HS3ST6: variants seen among roughly 807,000 people sequenced by gnomAD.
HS3ST6 encodes heparan sulfate-glucosamine 3-sulfotransferase 6.
HS3ST6 carries 13 observed loss-of-function variants against 11.0 expected under a neutral mutation model. That is an observed-to-expected ratio of 1.18 (90% confidence interval 0.77 to 1.88). The LOEUF is 1.88. Ranked by LOEUF, HS3ST6 falls within the 40% of genes most tolerant of loss-of-function variation. HS3ST6 has a pLI of 0.00. For missense variants in HS3ST6, 541 were observed against 494.4 expected (o/e 1.09, Z -0.89); for synonymous variants, 232 against 230.6 (o/e 1.01, Z -0.06).
Position 1,912,229 on chromosome 16 carries a change from G to C in HS3ST6, c.414-24C>G, listed in dbSNP as rs758145268. 1 of 1,375,946 alleles carries C rather than the reference G, an allele frequency of 7.3e-7. No individual in the cohort carries two copies. The highest frequency in any genetic ancestry group is 2.0e-4 in the Middle Eastern group (1 of 4,934). 85.2% of individuals were successfully genotyped at this position (1,375,946 alleles called of 1,614,324 possible). On this transcript the variant is annotated intron_variant, in intron 1 of 1. Coordinates refer to ENST00000454677, the MANE Select transcript of HS3ST6 (RefSeq NM_001009606.4). The surrounding 1 kb of genome is among the most constrained non-coding windows in gnomAD (Gnocchi z 5.6). ...TCCTGCGGGACGGGTGCAAGGAGAG[G>C]GGGCCTGAGCCTCCCCAGCCCTAGA...
chr16:1,917,866 T>C (rs2082936727), intron 1 of HS3ST6, 45 bp downstream of exon 1: 1 of 1,294,282 alleles, frequency 7.7e-7, no homozygotes, highest in Non-Finnish European at 1.0e-6. Flanking sequence ...CACGATACCC[T>C]CCCCAGGAAG....
intron 1 of HS3ST6, among the ~76,000 whole-genome samples, chr16:1,913,621 C>G (rs1295024673): frequency 6.6e-6 from 1 of 152,178 alleles, no homozygotes; most frequent in East Asian, 1.9e-4. Flanking sequence ...CCTTGCCAGT[C>G]ACGCCCAGCC....
chr16:1,917,801 G>A (rs1025902644), intron 1 of HS3ST6, 110 bp downstream of exon 1: 5 of 890,574 alleles, frequency 5.6e-6, no homozygotes, highest in East Asian at 6.7e-5. Flanking sequence ...CCACTGCCCG[G>A]AGCGCACCCC....
chr16:1,911,910 G>A lies in HS3ST6; in HGVS notation c.709C>T (p.Arg237Cys), dbSNP rs1288536587. Residue 237 changes from arginine to cysteine, a missense_variant, in exon 2 of 2, where the codon CGC (arginine) becomes TGC (cysteine). Physicochemically the swap from Arg to Cys is radical, Grantham distance 180. Coordinates refer to ENST00000454677, the MANE Select transcript of HS3ST6 (RefSeq NM_001009606.4). ...AGGAAGTGGGACAGGGGGAAGTAGC[G>A]CAGCCAGTGGTCCAGGTGCTGGGCG... Reference protein sequence around the residue: ...LYAQHLDHWLRYFPLSHFLFV... With the variant: ...LYAQHLDHWLCYFPLSHFLFV... The A allele has an allele frequency of 2.5e-6, 4 of 1,601,858 alleles. No homozygotes were observed. Among genetic ancestry groups the A allele is most frequent in the East Asian group, 2.2e-5 (1 of 44,748 alleles).
At chr16:1,917,800 G>C in intron 1 of HS3ST6, 111 bp downstream of exon 1, 13 of 856,218 alleles carry the variant, frequency 1.5e-5, no homozygotes, top group East Asian at 7.2e-5. Flanking sequence ...CCCACTGCCC[G>C]GAGCGCACCC....
At chr16:1,919,971 G>A (rs948620130), upstream of HS3ST6, among the ~76,000 whole-genome samples, 4 of 152,146 alleles carry the variant, frequency 2.6e-5, no homozygotes, top group Non-Finnish European at 5.9e-5. Context: ...CTCGGGGTGG[G>A]GGCTGGGGTC....
At chr16:1,919,353 G>A (rs950992634), upstream of HS3ST6, among the ~76,000 whole-genome samples, 3 of 152,224 alleles carry the variant, frequency 2.0e-5, no homozygotes, top group Non-Finnish European at 2.9e-5. Context: ...TGCGGGGGCC[G>A]CTAGACACTG....
Position 1,918,284 on chromosome 16 carries a change from C to T in HS3ST6, c.40G>A (p.Gly14Ser). 1.1e-6 allele frequency: 1 copy of T among 878,836 alleles called. No individual in the cohort carries two copies. Among genetic ancestry groups the T allele is most frequent in the Non-Finnish European group, 1.4e-6 (1 of 730,540 alleles). 54.4% of individuals were successfully genotyped at this position (878,836 alleles called of 1,614,324 possible). A position where few individuals can be genotyped will look rare whatever the true frequency, so the allele number is the denominator to read the frequency against. Residue 14 changes from glycine to serine, a missense_variant, in exon 1 of 2, where the codon GGC (glycine) becomes AGC (serine). Transcript: ENST00000454677. The surrounding 1 kb of genome is among the most constrained non-coding windows in gnomAD (Gnocchi z 6.0). ...CCTTGCCCGGCCCCTGCGCCCTGGC[C>T]GCCCCCGGCCCCGCCGCCCAGGCCG... ...SGGLGGGAGG[G>S]QGAGAGQGAA...
chr16:1,919,552 T>C (rs1012570351), upstream of HS3ST6, among the ~76,000 whole-genome samples: 4 of 152,290 alleles, frequency 2.6e-5, no homozygotes, highest in Admixed American at 6.5e-5. Context: ...CGGCACAGGC[T>C]CCCGGCAGAG....
chr16:1,920,183 C>T (rs1597013516), upstream of HS3ST6, among the ~76,000 whole-genome samples: 1 of 133,490 alleles, frequency 7.5e-6, no homozygotes, highest in African/African-American at 2.8e-5. Context: ...GCCGTCCCCA[C>T]GGTCTCAGCA....
intron 1 of HS3ST6, among the ~76,000 whole-genome samples, chr16:1,914,882 C>T (rs969398449): frequency 9.9e-5 from 15 of 151,990 alleles, no homozygotes; most frequent in African/African-American, 1.5e-4. Context: ...GTGGGAGAGA[C>T]GGGGGAGGAG....
rs372431831 is a variant in HS3ST6, at chr16:1,911,852, G to A, written c.767C>T (p.Pro256Leu). ...FVSGERLVSDPAGEVGRVQDF... is the reference protein window; with the variant it reads ...FVSGERLVSDLAGEVGRVQDF... ...CTGCACGCGGCCGACCTCTCCGGCC[G>A]GGTCGCTGACCAGACGCTCCCCGCT... Residue 256 changes from proline (P) to leucine (L), a missense_variant, in exon 2 of 2, where the codon CCG becomes CTG. By Grantham distance (98) the Pro-to-Leu change is moderately conservative. Transcript: ENST00000454677. The A allele has an allele frequency of 9.3e-6, 15 of 1,610,612 alleles. No individual in the cohort carries two copies. The highest frequency in any genetic ancestry group is 6.7e-5 in the East Asian group (3 of 44,844).
intron 1 of HS3ST6, among the ~76,000 whole-genome samples, chr16:1,917,521 G>A (rs1445691588): frequency 1.3e-5 from 2 of 152,250 alleles, no homozygotes; most frequent in African/African-American, 4.8e-5. Flanking sequence ...TACAGTACCT[G>A]GCCAGCGGTC....
chr16:1,911,552 G>C lies in HS3ST6; in HGVS notation c.*38C>G. The C allele has an allele frequency of 6.5e-7, 1 of 1,539,768 alleles. No homozygotes were observed. The highest frequency in any genetic ancestry group is 8.7e-7 in the Non-Finnish European group (1 of 1,143,244). On this transcript the variant is annotated 3_prime_UTR_variant, in exon 2 of 2. Transcript: ENST00000454677. ...GCAGCCCGCTCTGGCCAGGCGAGCGGGTGTCAATCAAGGTGCTGAGCATCC... is the reference window on the plus strand; with the variant it reads ...GCAGCCCGCTCTGGCCAGGCGAGCGCGTGTCAATCAAGGTGCTGAGCATCC...
At chr16:1,914,928 A>T (rs966230939) in intron 1 of HS3ST6, among the ~76,000 whole-genome samples, 1 of 152,116 alleles carries the variant, frequency 6.6e-6, no homozygotes, top group Non-Finnish European at 1.5e-5. Flanking sequence ...TGTGACAAAC[A>T]TCTGACAAGT....
intron 1 of HS3ST6, among the ~76,000 whole-genome samples, chr16:1,914,409 A>G (rs1250770463): frequency 6.6e-6 from 1 of 152,078 alleles, no homozygotes; most frequent in Non-Finnish European, 1.5e-5. Flanking sequence ...ATGCCCATAG[A>G]GAGAAACCAG....
intron 1 of HS3ST6, among the ~76,000 whole-genome samples, chr16:1,915,402 A>G (rs1270317235): frequency 6.6e-6 from 1 of 152,132 alleles, no homozygotes; most frequent in Admixed American, 6.5e-5. Context: ...CAGCCTCCCA[A>G]GTAGCTGGGA....
rs2082885167 is a variant in HS3ST6, at chr16:1,911,519, A to G, written c.*71T>C. Reference sequence around the variant, plus strand: ...TCTTAAATATTCCTCTCTGCCCAGCATGTGCACGCAGCCCGCTCTGGCCAG... The same window carrying G: ...TCTTAAATATTCCTCTCTGCCCAGCGTGTGCACGCAGCCCGCTCTGGCCAG... On this transcript the variant is annotated 3_prime_UTR_variant, in exon 2 of 2. Coordinates refer to ENST00000454677, the MANE Select transcript of HS3ST6 (RefSeq NM_001009606.4). 1 of 1,434,650 alleles carries G rather than the reference A, an allele frequency of 7.0e-7. No individual in the cohort carries two copies. Among genetic ancestry groups the G allele is most frequent in the Admixed American group, 2.7e-5 (1 of 37,118 alleles). 88.9% of individuals were successfully genotyped at this position (1,434,650 alleles called of 1,614,324 possible).
rs2082889744 is a variant in HS3ST6, at chr16:1,911,820, G to A, written c.799C>T (p.Leu267=). Residue 267 remains leucine (L), a synonymous_variant, in exon 2 of 2, where the codon CTG becomes TTG. Transcript: ENST00000454677. ...TCCGTGACGACCCGTTTCAGGCCCA[G>A]GAAGTCCTGCACGCGGCCGACCTCT... ...AGEVGRVQDF[L]GLKRVVTDKH... The A allele has an allele frequency of 6.2e-7, 1 of 1,613,704 alleles. No homozygotes were observed. Among genetic ancestry groups the A allele is most frequent in the Non-Finnish European group, 8.5e-7 (1 of 1,179,820 alleles).
Sources: gnomAD v4.1 joint callset for allele counts (sites outside exome capture counted in the v4.1 genomes callset) on GRCh38, gnomAD v4.1.1 for gene constraint, Gnocchi (gnomAD v3.1) non-coding constraint, MANE v1.5 for transcripts, NCBI Gene and HGNC (gene_info 2026-07-23, HGNC 2026-07-21) for gene names.